The following LEMD1 variants were observed in gnomAD, a reference collection of about 807,000 sequenced individuals.
LEMD1 encodes LEM domain containing 1.
LEMD1 carries 18 observed loss-of-function variants against 17.4 expected under a neutral mutation model. The ratio of observed to expected loss-of-function variants is 1.04; its 90% CI spans 0.72 to 1.54. The LOEUF (loss-of-function observed/expected upper bound fraction) is 1.54, where lower values mean the gene tolerates loss of function less well. LEMD1 is among the 40% of genes most tolerant of loss of function. The pLI is 0.00. For synonymous variants in LEMD1, 88 were observed against 77.8 expected (o/e 1.13, Z -0.69); for missense variants, 195 against 210.4 (o/e 0.93, Z 0.45).
At chr1:205,406,736 A>G (rs1374918224) in intron 4 of LEMD1, among the ~76,000 whole-genome samples, 1 of 151,846 alleles carries the variant, frequency 6.6e-6, no homozygotes, top group African/African-American at 2.4e-5. Context: ...ACTGTCTGAC[A>G]CTCCCCAGTG....
chr1:205,428,371 G>A (rs1023527762), intron 1 of LEMD1, among the ~76,000 whole-genome samples: 1 of 152,150 alleles, frequency 6.6e-6, no homozygotes, highest in Admixed American at 6.5e-5. Context: ...ACTGGGTACA[G>A]GGATATCGTT....
chr1:205,411,714 A>G (rs1252922617), intron 4 of LEMD1, among the ~76,000 whole-genome samples: 1 of 152,098 alleles, frequency 6.6e-6, no homozygotes, highest in Non-Finnish European at 1.5e-5. Context: ...AGAAAGAAAG[A>G]AAGAGAAAGA....
At chr1:205,390,534 G>A (rs1664284425) in intron 4 of LEMD1, among the ~76,000 whole-genome samples, 1 of 152,184 alleles carries the variant, frequency 6.6e-6, no homozygotes, top group South Asian at 2.1e-4. Context: ...TACTTCACTA[G>A]TATAATAAAA....
chr1:205,433,949 C>T (rs1244860331), intron 1 of LEMD1, among the ~76,000 whole-genome samples: 4 of 152,178 alleles, frequency 2.6e-5, no homozygotes, highest in Non-Finnish European at 4.4e-5. Flanking sequence ...TCTCTCAGGG[C>T]GTCCTGCTTC....
At chr1:205,382,101 A>C (rs1663732036) in intron 5 of LEMD1, 1 of 501,846 alleles carries the variant, frequency 2.0e-6, no homozygotes, top group Non-Finnish European at 3.6e-6. Flanking sequence ...TCCTGGGCTC[A>C]AGACATCCTC....
Position 205,411,666 on chromosome 1 carries a change from GAAAGA to G in LEMD1, c.270+4561_270+4565del, listed in dbSNP as rs1207378189. Among the ~76,000 whole-genome samples, 8 of 133,820 alleles carry G rather than the reference GAAAGA, an allele frequency of 6.0e-5. No homozygotes were observed. The East Asian group carries it at 1.9e-3, about 32-fold the overall frequency. 87.8% of individuals were successfully genotyped at this position (133,820 alleles called of 152,430 possible). A position where few individuals can be genotyped will look rare whatever the true frequency, so the allele number is the denominator to read the frequency against. On this transcript the variant is annotated intron_variant, in intron 4 of 5. Coordinates refer to ENST00000367153, the MANE Select transcript of LEMD1 (RefSeq NM_001199050.2). ...AAGAGAAAGAAAGGAAAGAAAGAAAGAAAGAAAAGAAAGAAAGAAAGAAAGAAAGA... is the reference window on the plus strand; with the variant it reads ...AAGAGAAAGAAAGGAAAGAAAGAAAGAAAGAAAGAAAGAAAGAAAGAAAGA...
intron 1 of LEMD1, among the ~76,000 whole-genome samples, chr1:205,428,711 G>A (rs1666089561): frequency 1.3e-5 from 2 of 152,172 alleles, no homozygotes; most frequent in African/African-American, 4.8e-5. Flanking sequence ...CAAAGCATGA[G>A]AGAGAGGGTG....
chr1:205,387,381 A>G (rs1664085867), intron 4 of LEMD1: 1 of 152,224 alleles, frequency 6.6e-6, no homozygotes, highest in African/African-American at 2.4e-5. Context: ...AACATATACT[A>G]GATATGCATG....
At chr1:205,449,603 G>GCA (rs1666460085) in intron 1 of LEMD1, among the ~76,000 whole-genome samples, 1 of 150,486 alleles carries the variant, frequency 6.6e-6, no homozygotes, top group African/African-American at 2.5e-5. Context: ...ACAGCACACA[G>GCA]CACAGCACAG....
At chr1:205,445,384 C>T (rs1666370839) in intron 1 of LEMD1, among the ~76,000 whole-genome samples, 1 of 152,226 alleles carries the variant, frequency 6.6e-6, no homozygotes, top group Non-Finnish European at 1.5e-5. Flanking sequence ...TGGGCACAGA[C>T]CTCCAGTCTG....
chr1:205,407,759 G>T (rs1455587255), intron 4 of LEMD1, among the ~76,000 whole-genome samples: 2 of 152,192 alleles, frequency 1.3e-5, no homozygotes, highest in Admixed American at 1.3e-4. Flanking sequence ...CCCAGGACTT[G>T]AGATTGGCAT....
chr1:205,440,495 G>C (rs772092319), intron 1 of LEMD1: 5 of 152,278 alleles, frequency 3.3e-5, no homozygotes, highest in Non-Finnish European at 7.3e-5. Flanking sequence ...GCTGCTGGAA[G>C]TTCTCTGCTA....
intron 4 of LEMD1, among the ~76,000 whole-genome samples, chr1:205,409,483 G>A (rs1161510705): frequency 6.6e-6 from 1 of 152,168 alleles, no homozygotes; most frequent in Non-Finnish European, 1.5e-5. Flanking sequence ...AACACTCTGT[G>A]AGGTTGATAC....
chr1:205,443,803 G>C (rs567346105), intron 1 of LEMD1, among the ~76,000 whole-genome samples: 2 of 152,204 alleles, frequency 1.3e-5, no homozygotes, highest in African/African-American at 4.8e-5. Context: ...GAAGTGGGGG[G>C]ACATGGGGCA....
upstream of LEMD1, among the ~76,000 whole-genome samples, chr1:205,422,627 G>A (rs1356454978): frequency 1.0e-5 from 1 of 97,940 alleles, no homozygotes; most frequent in Non-Finnish European, 2.7e-5. Flanking sequence ...CATCGCAAAA[G>A]CCTACTTCTT....
At chr1:205,437,983 C>A (rs890604644) in intron 1 of LEMD1, 2 of 152,002 alleles carry the variant, frequency 1.3e-5, no homozygotes, top group Non-Finnish European at 2.9e-5. Context: ...ATGCTACATG[C>A]AAAAAGCCCT....
intron 4 of LEMD1, among the ~76,000 whole-genome samples, chr1:205,398,190 T>C (rs1198816508): frequency 1.3e-5 from 2 of 152,240 alleles, no homozygotes; most frequent in Admixed American, 6.5e-5. Flanking sequence ...TCAGACACTA[T>C]GTAATTTTCT....
At chr1:205,402,280 A>G (rs1404452289) in intron 4 of LEMD1, among the ~76,000 whole-genome samples, 1 of 152,052 alleles carries the variant, frequency 6.6e-6, no homozygotes, top group African/African-American at 2.4e-5. Flanking sequence ...TTGAATCTAT[A>G]AATTACCTTG....
At chr1:205,431,145 G>T (rs1011272461) in intron 1 of LEMD1, among the ~76,000 whole-genome samples, 27 of 152,186 alleles carry the variant, frequency 1.8e-4, no homozygotes, top group Non-Finnish European at 2.6e-4. Flanking sequence ...ACTATTTCTT[G>T]TCTATTACCT....
Sources: gnomAD v4.1 joint callset for allele counts (sites outside exome capture counted in the v4.1 genomes callset) on GRCh38, gnomAD v4.1.1 for gene constraint, MANE v1.5 for transcripts, NCBI Gene and HGNC (gene_info 2026-07-23, HGNC 2026-07-21) for gene names.